GRAMD1B: variants seen among roughly 807,000 people sequenced by gnomAD.
The protein encoded by GRAMD1B is protein Aster-B.
A neutral mutation model predicts 99.7 loss-of-function variants in GRAMD1B; 37 were observed. The ratio of observed to expected loss-of-function variants is 0.37; its 90% CI spans 0.29 to 0.49. The LOEUF is 0.49. Ranked by LOEUF, GRAMD1B falls within the 20% of genes least tolerant of loss-of-function variation. The pLI is 0.98. For synonymous variants in GRAMD1B, 427 were observed against 387.6 expected (o/e 1.10, Z -1.19); for missense variants, 888 against 1,009.2 (o/e 0.88, Z 1.63).
intron 2 of GRAMD1B, among the ~76,000 whole-genome samples, chr11:123,481,757 G>C (rs1460023182): frequency 6.6e-6 from 1 of 152,230 alleles, no homozygotes; most frequent in Non-Finnish European, 1.5e-5. Flanking sequence ...CAGTGCCTGT[G>C]AATTGTAGAC....
chr11:123,504,215 T>C (rs12789243), intron 2 of GRAMD1B, among the ~76,000 whole-genome samples: 25,999 of 152,124 alleles, frequency 0.17, 2,591 homozygotes, highest in Admixed American at 0.25. Flanking sequence ...ACAGCACTGG[T>C]CCCCGCCAAG....
intron 2 of GRAMD1B, among the ~76,000 whole-genome samples, chr11:123,489,760 T>C (rs1938324003): frequency 6.6e-6 from 1 of 152,176 alleles, no homozygotes; most frequent in Non-Finnish European, 1.5e-5. Flanking sequence ...AAATTCTTGT[T>C]TTAATATGGA....
chr11:123,415,359 C>T (rs368355956), intron 1 of GRAMD1B, among the ~76,000 whole-genome samples: 1 of 152,184 alleles, frequency 6.6e-6, no homozygotes, highest in South Asian at 2.1e-4. Context: ...CCTCGGCCTC[C>T]CAAAGTGCTG....
intron 1 of GRAMD1B, among the ~76,000 whole-genome samples, chr11:123,477,790 T>C (rs1221960617): frequency 1.3e-5 from 2 of 149,234 alleles, no homozygotes; most frequent in Non-Finnish European, 3.0e-5. Context: ...TTTTTTTGTT[T>C]TTCAGATGGA....
rs375081699 is a variant in GRAMD1B at position 123,548,167 on chromosome 11, C to T, written c.453-29200C>T. On this transcript the variant is annotated intron_variant, in intron 2 of 19. Coordinates refer to ENST00000635736, the MANE Select transcript of GRAMD1B (RefSeq NM_001387025.1). ...CACTGCTAGGATGTCATAGCTTGTG[C>T]CCGTGGGTGAGTCGGTGTCTGCAGC... 1.6e-4 allele frequency among the ~76,000 whole-genome samples: 24 copies of T among 151,528 alleles called. 1 individual carries two copies. The highest frequency in any genetic ancestry group is 5.3e-4 in the African/African-American group (22 of 41,238).
intron 1 of GRAMD1B, among the ~76,000 whole-genome samples, chr11:123,398,788 G>T (rs1373612400): frequency 6.6e-6 from 1 of 151,998 alleles, no homozygotes; most frequent in Non-Finnish European, 1.5e-5. Context: ...CATACAAAAA[G>T]CTGTACATAT....
intron 2 of GRAMD1B, among the ~76,000 whole-genome samples, chr11:123,513,603 TTCC>T (rs1941334635): frequency 9.0e-6 from 1 of 111,292 alleles, no homozygotes; most frequent in African/African-American, 4.0e-5. Context: ...CCTTCCTTCC[TTCC>T]TTCCTTCCTT....
At chr11:123,583,118 G>A (rs1949588400) in intron 3 of GRAMD1B, among the ~76,000 whole-genome samples, 1 of 152,176 alleles carries the variant, frequency 6.6e-6, no homozygotes, top group African/African-American at 2.4e-5. Flanking sequence ...GTGTGTATAT[G>A]TGTGGTGTGT....
In GRAMD1B at chr11:123,587,055, G is replaced by T. The variant is rs1218225297; in HGVS notation, c.684+2723G>T. 3.9e-5 allele frequency among the ~76,000 whole-genome samples: 6 copies of T among 152,212 alleles called. No individual in the cohort carries two copies. The highest frequency in any genetic ancestry group is 1.4e-4 in the African/African-American group (6 of 41,446). ...ATTCAGGCCCACTGGAGCAGCCTGG[G>T]TCTGGTGGGAAAAGCCCAGCCACCA... On this transcript the variant is annotated intron_variant, in intron 4 of 19. Coordinates refer to ENST00000635736, the MANE Select transcript of GRAMD1B (RefSeq NM_001387025.1). This position sits in a 1 kb window ranked among gnomAD's most constrained non-coding sequence, Gnocchi z 4.2.
chr11:123,467,290 C>G (rs1014996902), intron 1 of GRAMD1B, among the ~76,000 whole-genome samples: 1 of 151,760 alleles, frequency 6.6e-6, no homozygotes, highest in South Asian at 2.1e-4. Flanking sequence ...TAAGATCAGC[C>G]TGGGCAACAT....
At chr11:123,528,930 G>A (rs1350096177) in intron 2 of GRAMD1B, among the ~76,000 whole-genome samples, 1 of 152,212 alleles carries the variant, frequency 6.6e-6, no homozygotes, top group Non-Finnish European at 1.5e-5. Flanking sequence ...TGATTTCAGA[G>A]TGGGGACTAA....
At chr11:123,546,686 G>A (rs1945070578) in intron 2 of GRAMD1B, among the ~76,000 whole-genome samples, 1 of 152,220 alleles carries the variant, frequency 6.6e-6, no homozygotes, top group African/African-American at 2.4e-5. Context: ...TACAGATCCT[G>A]ATATCAGGGG....
intron 14 of GRAMD1B, among the ~76,000 whole-genome samples, chr11:123,612,391 T>C (rs1953714364): frequency 6.6e-6 from 1 of 152,194 alleles, no homozygotes; most frequent in South Asian, 2.1e-4. Context: ...TCTTTCAGTG[T>C]CAGTTTCTCA....
At chr11:123,461,166 T>C (rs1056771965) in intron 1 of GRAMD1B, among the ~76,000 whole-genome samples, 32 of 152,352 alleles carry the variant, frequency 2.1e-4, no homozygotes, top group Non-Finnish European at 5.9e-5. Flanking sequence ...AATGGACCAG[T>C]GCTCCTGTTG....
chr11:123,621,483 T>A (rs1955103423), intron 19 of GRAMD1B, among the ~76,000 whole-genome samples: 1 of 152,158 alleles, frequency 6.6e-6, no homozygotes, highest in East Asian at 1.9e-4. Flanking sequence ...ACAGTTCTAG[T>A]CCTAGCAAAC....
chr11:123,615,562 G>C (rs915786653), intron 17 of GRAMD1B, among the ~76,000 whole-genome samples: 2 of 152,222 alleles, frequency 1.3e-5, no homozygotes, highest in African/African-American at 4.8e-5. Flanking sequence ...GCAGGCGCCT[G>C]TAGTCCCAGC....
At chr11:123,360,867 A>T (rs1241990927) in intron 1 of GRAMD1B, among the ~76,000 whole-genome samples, 1 of 139,060 alleles carries the variant, frequency 7.2e-6, no homozygotes, top group Non-Finnish European at 1.5e-5. Context: ...TGCAGACTGG[A>T]GTGCAGTGGT....
rs548470595 is a variant in GRAMD1B, at chr11:123,413,657, C to T, written c.-176+54858C>T. On this transcript the variant is annotated intron_variant, in intron 1 of 20. Coordinates refer to the GRAMD1B transcript ENST00000638157. ...TCAAATCCTTCAACCCATAGGTCTT[C>T]GCCTGAGGAGTAGGCAGATCCTGCA... Among the ~76,000 whole-genome samples, 3 of 152,230 alleles carry T rather than the reference C, an allele frequency of 2.0e-5. No individual in the cohort carries two copies. In the East Asian group the frequency reaches 5.8e-4, roughly 29 times the overall value.
chr11:123,584,124 C>T (rs747985579), intron 3 of GRAMD1B, among the ~76,000 whole-genome samples, 188 bp from the exon 4 acceptor site: 5 of 151,832 alleles, frequency 3.3e-5, no homozygotes, highest in African/African-American at 2.4e-5. Context: ...GGACTGCTCC[C>T]GGGCCTCCTT....
Sources: gnomAD v4.1 joint callset for allele counts (sites outside exome capture counted in the v4.1 genomes callset) on GRCh38, gnomAD v4.1.1 for gene constraint, Gnocchi (gnomAD v3.1) non-coding constraint, MANE v1.5 for transcripts, NCBI Gene and HGNC (gene_info 2026-07-23, HGNC 2026-07-21) for gene names.